SHPK: variants seen among roughly 807,000 people sequenced by gnomAD.
The protein encoded by SHPK is sedoheptulokinase, also known as carbohydrate kinase-like protein.
In SHPK, 51 loss-of-function variants were observed where a neutral mutation model predicts 46.3. That is an observed-to-expected ratio of 1.10 (90% confidence interval 0.88 to 1.39). SHPK has a LOEUF of 1.39. Among genes scored for constraint, SHPK ranks in the 40% most tolerant of loss-of-function variants. The probability of loss-of-function intolerance (pLI) is 0.00; values close to 1 mark genes in which losing one functional copy is unlikely to be tolerated. For synonymous variants in SHPK, 290 were observed against 273.9 expected, an observed-to-expected ratio of 1.06 and a Z score of -0.58; for missense variants, 668 against 641.3, an observed-to-expected ratio of 1.04 and a Z score of -0.45.
At chr17:3,611,687 CA>C (rs1459996958) in intron 6 of SHPK, among the ~76,000 whole-genome samples, 1 of 152,112 alleles carries the variant, frequency 6.6e-6, no homozygotes, top group Non-Finnish European at 1.5e-5. Flanking sequence ...GTGCACAGGG[CA>C]CCTGAAATCC....
At chr17:3,622,714 T>C in intron 4 of SHPK, 1 of 451,644 alleles carries the variant, frequency 2.2e-6, no homozygotes. Flanking sequence ...TTCTTTTTTT[T>C]TTTTTTTGAG....
intron 4 of SHPK, among the ~76,000 whole-genome samples, chr17:3,621,884 C>T (rs2075405658): frequency 6.6e-6 from 1 of 151,804 alleles, no homozygotes; most frequent in South Asian, 2.1e-4. Flanking sequence ...AACTCCTGAC[C>T]TCACATCGTT....
intron 2 of SHPK, among the ~76,000 whole-genome samples, chr17:3,628,368 G>A (rs1296910231): frequency 6.6e-6 from 1 of 151,228 alleles, no homozygotes; most frequent in Non-Finnish European, 1.5e-5. Context: ...TGTCGCCCAG[G>A]TTGGAGTGCA....
In SHPK at chr17:3,630,219, C is replaced by G. The variant is rs2075461916; in HGVS notation, c.296G>C (p.Trp99Ser). ...GCCCAGCATACCTTGGCCTGTTTTCCAAAACACGACTCCATGCATCTGGCC... is the reference window on the plus strand; with the variant it reads ...GCCCAGCATACCTTGGCCTGTTTTCGAAAACACGACTCCATGCATCTGGCC... The part of the protein sequence containing the change: ...VSGQMHGVVF[W>S]KTGQGCEWTE... The change falls in exon 2 of 7, where the codon TGG becomes TCG. Residue 99 changes from tryptophan to serine, a missense_variant. Coordinates refer to ENST00000225519, the MANE Select transcript of SHPK (RefSeq NM_013276.4). 1 of 1,613,732 alleles carries G rather than the reference C, an allele frequency of 6.2e-7. No homozygotes were observed. Among genetic ancestry groups the G allele is most frequent in the African/African-American group, 1.3e-5 (1 of 75,008 alleles).
intron 6 of SHPK, among the ~76,000 whole-genome samples, chr17:3,612,069 A>C (rs2075343340): frequency 6.6e-6 from 1 of 151,574 alleles, no homozygotes. Context: ...CTTCCAAAGT[A>C]CTGGGGTTAC....
At chr17:3,619,565 T>A (rs968172175) in intron 5 of SHPK, 2 of 449,804 alleles carry the variant, frequency 4.4e-6, no homozygotes, top group Non-Finnish European at 8.2e-6. Flanking sequence ...AAACCCCGTG[T>A]CTACTAAAAA....
rs549590195 is a variant in SHPK at position 3,610,940 on chromosome 17, G to C, written c.1057C>G (p.Arg353Gly). The change falls in exon 7 of 7, where the codon CGC (arginine) becomes GGC (glycine). Residue 353 changes from arginine to glycine, a missense_variant. Coordinates refer to ENST00000225519, the MANE Select transcript of SHPK (RefSeq NM_013276.4). ...LEVEESTVYS[R>G]MIQAAVQQRD... Reference sequence around the variant, plus strand: ...TGCTGCACAGCTGCCTGAATCATGCGTGAATACACAGTGGATTCTTCAACC... The same window carrying C: ...TGCTGCACAGCTGCCTGAATCATGCCTGAATACACAGTGGATTCTTCAACC... 3.1e-6 allele frequency: 5 copies of C among 1,612,096 alleles called. No homozygotes were observed. The South Asian group carries it at 4.4e-5, about 14-fold the overall frequency.
At chr17:3,624,025 A>T in intron 3 of SHPK, 23 bp downstream of exon 3, 1 of 1,583,792 alleles carries the variant, frequency 6.3e-7, no homozygotes, top group African/African-American at 1.3e-5. Context: ...CCAGCACCCG[A>T]GTGAAAGTGC....
chr17:3,630,255 A>C lies in SHPK; in HGVS notation c.260T>G (p.Ile87Ser). 1 of 1,613,572 alleles carries C rather than the reference A, an allele frequency of 6.2e-7. No homozygotes were observed. The highest frequency in any genetic ancestry group is 8.5e-7 in the Non-Finnish European group (1 of 1,179,936). The change falls in exon 2 of 7, where the codon ATC becomes AGC. Residue 87 changes from isoleucine to serine, a missense_variant. Ile to Ser is a moderately radical substitution (Grantham distance 142). Coordinates refer to ENST00000225519, the MANE Select transcript of SHPK (RefSeq NM_013276.4). ...PRPQLRSVVGIGVSGQMHGVV... is the reference protein window; with the variant it reads ...PRPQLRSVVGSGVSGQMHGVV... ...TCCATGCATCTGGCCCGACACCCCG[A>C]TGCCCACGACGCTCCGGAGCTGGGG...
chr17:3,611,028 G>C, intron 6 of SHPK, 56 bp from the exon 7 acceptor site: 1 of 1,487,888 alleles, frequency 6.7e-7, no homozygotes, highest in Non-Finnish European at 9.1e-7. Flanking sequence ...AGTGCAGGCT[G>C]ACATGGCAGA....
At chr17:3,622,395 A>G (rs2075408364) in intron 4 of SHPK, 1 of 160,990 alleles carries the variant, frequency 6.2e-6, no homozygotes, top group Admixed American at 6.5e-5. Flanking sequence ...AAAGGGAGGC[A>G]GCCGGAGGTT....
At chr17:3,631,748 C>T (rs2075473771) in intron 1 of SHPK, among the ~76,000 whole-genome samples, 1 of 151,630 alleles carries the variant, frequency 6.6e-6, no homozygotes, top group East Asian at 1.9e-4. Flanking sequence ...GTCTCAAACT[C>T]CTGGCCTCAG....
chr17:3,628,314 C>T (rs1271346861), intron 2 of SHPK, among the ~76,000 whole-genome samples: 1 of 150,324 alleles, frequency 6.7e-6, no homozygotes, highest in Non-Finnish European at 1.5e-5. Flanking sequence ...TAAATTAAAT[C>T]TTTCATAATT....
intron 3 of SHPK, 90 bp downstream of exon 3, chr17:3,623,958 C>T (rs2075417703): frequency 7.7e-7 from 1 of 1,297,990 alleles, no homozygotes; most frequent in Non-Finnish European, 1.1e-6. Context: ...TGCGGCACAG[C>T]CCAGCAGGCG....
chr17:3,632,692 G>A (rs901796700), intron 1 of SHPK, among the ~76,000 whole-genome samples: 1 of 152,090 alleles, frequency 6.6e-6, no homozygotes. Flanking sequence ...CTACATCCAC[G>A]TCGAATCCTC....
chr17:3,612,896 T>C (rs1013889889), intron 6 of SHPK, among the ~76,000 whole-genome samples: 2 of 151,452 alleles, frequency 1.3e-5, no homozygotes, highest in African/African-American at 4.9e-5. Context: ...GGACTACAGG[T>C]GCATGCCACC....
rs189407393 is a variant in SHPK at position 3,627,763 on chromosome 17, G to C, written c.310+2442C>G. On this transcript the variant is annotated intron_variant, in intron 2 of 6. Transcript: ENST00000225519. ...CAGGCAGAAAGGAAGGCATGTGACC[G>C]GATCACAATCATCAGCTCTCTGCTG... Among the ~76,000 whole-genome samples, 13 of 150,488 alleles carry C rather than the reference G, an allele frequency of 8.6e-5. No individual in the cohort carries two copies. The South Asian group carries it at 2.8e-3, about 33-fold the overall frequency.
chr17:3,621,933 G>A lies in SHPK; in HGVS notation c.648-521C>T, dbSNP rs538315587. Among the ~76,000 whole-genome samples the A allele has an allele frequency of 1.9e-4, 29 of 151,384 alleles. No individual in the cohort carries two copies. In the East Asian group the frequency reaches 4.7e-3, roughly 24 times the overall value. On this transcript the variant is annotated intron_variant, in intron 4 of 6. Coordinates refer to ENST00000225519, the MANE Select transcript of SHPK (RefSeq NM_013276.4). ...CTCCCAAAGTGCTGGGATTACAGGC[G>A]CGACCCACCACACCCGGCTCCTTCT...
At chr17:3,628,517 T>G (rs1488296860) in intron 2 of SHPK, among the ~76,000 whole-genome samples, 1 of 151,796 alleles carries the variant, frequency 6.6e-6, no homozygotes, top group East Asian at 1.9e-4. Flanking sequence ...GAGATGGGGT[T>G]TCACCATGTT....
Sources: allele counts gnomAD v4.1 joint callset (sites outside exome capture counted in the v4.1 genomes callset), GRCh38; gene constraint gnomAD v4.1.1; transcripts MANE v1.5; gene names NCBI Gene and HGNC (gene_info 2026-07-23, HGNC 2026-07-21).